Variants in PDIA6 observed in about 807,000 individuals in gnomAD.
The protein encoded by PDIA6 is protein disulfide isomerase family A member 6, also known as protein disulfide-isomerase A6.
A neutral mutation model predicts 58.4 loss-of-function variants in PDIA6; 29 were observed. That is an observed-to-expected ratio of 0.50 (90% CI 0.37 to 0.68). The LOEUF is 0.68. Ranked by LOEUF, PDIA6 falls within the 30% of genes least tolerant of loss-of-function variation. The pLI, the probability that PDIA6 is intolerant of heterozygous loss-of-function variation, is 0.00. For missense variants in PDIA6, 480 were observed against 551.0 expected (o/e 0.87, Z 1.29); for synonymous variants, 192 against 202.6 (o/e 0.95, Z 0.44).
chr2:10,821,549 C>T (rs1667393870), intron 1 of PDIA6: 1 of 152,044 alleles, frequency 6.6e-6, no homozygotes, highest in Admixed American at 6.5e-5. Context: ...TTGGAGAATT[C>T]GACAATTCAG....
chr2:10,793,724 C>T (rs1287222782), intron 4 of PDIA6, among the ~76,000 whole-genome samples: 1 of 152,174 alleles, frequency 6.6e-6, no homozygotes, highest in Non-Finnish European at 1.5e-5. Context: ...AACACCATCT[C>T]CTAATGAGAA....
chr2:10,809,478 C>T (rs1558454311), intron 1 of PDIA6, among the ~76,000 whole-genome samples: 1 of 151,702 alleles, frequency 6.6e-6, no homozygotes, highest in Admixed American at 6.6e-5. Context: ...GAGTTTGAGA[C>T]CAGCCTGGGC....
chr2:10,817,142 A>AAGCTTGTAT (rs370281740), upstream of PDIA6, among the ~76,000 whole-genome samples: 58 of 152,256 alleles, frequency 3.8e-4, no homozygotes, highest in Admixed American at 7.8e-4. Context: ...TCCACTCAGG[A>AAGCTTGTAT]AGCTTGTATG....
intron 1 of PDIA6, chr2:10,820,985 G>A (rs1667370607): frequency 1.6e-6 from 1 of 639,808 alleles, no homozygotes; most frequent in African/African-American, 1.8e-5. Context: ...TGGTTAAGCA[G>A]GTCGTTGGGC....
chr2:10,789,756 A>G lies in PDIA6; in HGVS notation c.833T>C (p.Leu278Pro), dbSNP rs1199139085. 6.2e-7 allele frequency: 1 copy of G among 1,613,368 alleles called. No homozygotes were observed. The highest frequency in any genetic ancestry group is 1.3e-5 in the African/African-American group (1 of 74,888). The change falls in exon 8 of 13, where the codon CTG becomes CCG. Residue 278 changes from leucine to proline, a missense_variant. Transcript: ENST00000272227. ...LFSDNAPPPE[L>P]LEIINEDIAK... ...GCAGTTGAAGTGGTTTACCTCAAGC[A>G]GCTCAGGAGGTGGGGCGTTATCAGA...
At position 10,785,364 on chromosome 2, in the gene PDIA6, G is replaced by A. The variant is rs145811968; in HGVS notation, c.1158-334C>T. On this transcript the variant is annotated intron_variant, in intron 11 of 12. Coordinates refer to ENST00000272227, the MANE Select transcript of PDIA6 (RefSeq NM_005742.4). ...AGTTGATCTAGAACATGGGCTGCCT[G>A]CGAGCTTTCTAAGACTGCTGTGAAC... is the stretch of plus-strand genomic sequence containing the variant. Among the ~76,000 whole-genome samples the A allele has an allele frequency of 3.6e-3, 555 of 152,352 alleles. 5 individuals carry two copies. Among genetic ancestry groups the A allele is most frequent in the African/African-American group, 0.013 (536 of 41,580 alleles).
At chr2:10,808,216 T>A (rs1344702732) in intron 1 of PDIA6, among the ~76,000 whole-genome samples, 2 of 152,328 alleles carry the variant, frequency 1.3e-5, no homozygotes, top group African/African-American at 4.8e-5. Flanking sequence ...ATTGGGAGAA[T>A]TATCCAGAGT....
intron 11 of PDIA6, among the ~76,000 whole-genome samples, chr2:10,787,004 GAA>G (rs1433979143): frequency 2.6e-5 from 4 of 152,286 alleles, no homozygotes; most frequent in African/African-American, 9.6e-5. Flanking sequence ...ATGAGAATGA[GAA>G]AGAGCCCAGG....
At chr2:10,785,212 A>C in intron 11 of PDIA6, 182 bp from the exon 12 acceptor site, 2 of 556,120 alleles carry the variant, frequency 3.6e-6, no homozygotes, top group South Asian at 4.4e-5. Flanking sequence ...CACGGACAAC[A>C]TTACAACCAG....
chr2:10,794,826 C>G (rs529653863), intron 4 of PDIA6, among the ~76,000 whole-genome samples: 41 of 152,154 alleles, frequency 2.7e-4, no homozygotes, highest in African/African-American at 9.6e-4. Flanking sequence ...ACTCAGGAGG[C>G]TGAGGCAGGA....
intron 7 of PDIA6, among the ~76,000 whole-genome samples, 161 bp from the exon 8 acceptor site, chr2:10,790,050 C>T (rs1665962589): frequency 6.6e-6 from 1 of 151,348 alleles, no homozygotes; most frequent in Non-Finnish European, 1.5e-5. Flanking sequence ...GCAATCTCAG[C>T]TCACTGCAAC....
In PDIA6 at chr2:10,812,753, G is replaced by C. The variant is rs944073699; in HGVS notation, c.-57C>G. On this transcript the variant is annotated 5_prime_UTR_variant, in exon 1 of 13. Coordinates refer to ENST00000272227, the MANE Select transcript of PDIA6 (RefSeq NM_005742.4). ...GCCGCCGCCGCTTCAGCCCTGCAGC[G>C]TGCCGCACGCCGCGCCCCCGCGCCC... 5 of 1,387,972 alleles carry C rather than the reference G, an allele frequency of 3.6e-6. No individual in the cohort carries two copies. The African/African-American group carries it at 7.5e-5, about 21-fold the overall frequency. The allele number at this position is 1,387,972 out of a possible 1,614,324, so 86.0% of individuals were successfully genotyped here. A position where few individuals can be genotyped will look rare whatever the true frequency, so the allele number is the denominator to read the frequency against.
At chr2:10,789,693 T>A (rs1665943765) in intron 8 of PDIA6, 56 bp downstream of exon 8, 23 of 1,524,990 alleles carry the variant, frequency 1.5e-5, no homozygotes, top group Non-Finnish European at 2.0e-5. Context: ...TGCTTTAACA[T>A]TCCTCACCAT....
At position 10,797,184 on chromosome 2, in the gene PDIA6, A is replaced by C; in HGVS notation, c.243T>G (p.Val81=). The C allele has an allele frequency of 6.2e-7, 1 of 1,610,080 alleles. No homozygotes were observed. Among genetic ancestry groups the C allele is most frequent in the Non-Finnish European group, 8.5e-7 (1 of 1,178,856 alleles). ...CTAGGGAATGATGCTTATCTGCATCAACTGCACCAACTTTGACAACATCCT... is the reference window on the plus strand; with the variant it reads ...CTAGGGAATGATGCTTATCTGCATCCACTGCACCAACTTTGACAACATCCT... ...ALKDVVKVGA[V]DADKHHSLGG... The change falls in exon 4 of 13, where the codon GTT becomes GTG. Residue 81 remains valine (V), a synonymous_variant. Coordinates refer to ENST00000272227, the MANE Select transcript of PDIA6 (RefSeq NM_005742.4).
At chr2:10,785,570 CATAG>C (rs1665684514) in intron 11 of PDIA6, among the ~76,000 whole-genome samples, 1 of 152,094 alleles carries the variant, frequency 6.6e-6, no homozygotes, top group African/African-American at 2.4e-5. Context: ...CCAAACAACT[CATAG>C]AATAATAGAG....
At chr2:10,835,947 A>G (rs1415415055), upstream of PDIA6, among the ~76,000 whole-genome samples, 1 of 152,020 alleles carries the variant, frequency 6.6e-6, no homozygotes. Flanking sequence ...GCTACTCGGG[A>G]GGCTGAGTCA....
At chr2:10,834,709 C>CCCTCCCTG (rs1667786620), upstream of PDIA6, among the ~76,000 whole-genome samples, 1 of 42,100 alleles carries the variant, frequency 2.4e-5, no homozygotes, top group Non-Finnish European at 5.5e-5. Context: ...CTCCCTCCCT[C>CCCTCCCTG]CCTCCCTCCC....
At chr2:10,788,587 T>C (rs1392980200) in intron 10 of PDIA6, 110 bp downstream of exon 10, 7 of 745,108 alleles carry the variant, frequency 9.4e-6, no homozygotes, top group Admixed American at 2.3e-5. Flanking sequence ...AAAAAACATA[T>C]AGCAGAGCAA....
At chr2:10,791,426 G>A (rs187340214) in intron 6 of PDIA6, among the ~76,000 whole-genome samples, 2 of 152,342 alleles carry the variant, frequency 1.3e-5, no homozygotes, top group Non-Finnish European at 2.9e-5. Context: ...GATTACAGGT[G>A]TGAGCCACCA....
Sources: gnomAD v4.1 joint callset for allele counts (sites outside exome capture counted in the v4.1 genomes callset) on GRCh38, gnomAD v4.1.1 for gene constraint, MANE v1.5 for transcripts, NCBI Gene and HGNC (gene_info 2026-07-23, HGNC 2026-07-21) for gene names.